The following LEPROTL1 variants were observed in gnomAD, a reference collection of about 807,000 sequenced individuals.
The protein encoded by LEPROTL1 is leptin receptor overlapping transcript like 1, also known as leptin receptor overlapping transcript-like 1.
Under a neutral mutation model 15.4 loss-of-function variants are expected in LEPROTL1, and 6 were observed. The ratio of observed to expected loss-of-function variants is 0.39; its 90% CI spans 0.21 to 0.77. The LOEUF is 0.77. LEPROTL1 is among the 30% of genes least tolerant of loss of function. LEPROTL1 has a pLI of 0.41. For missense variants in LEPROTL1, 128 were observed against 158.1 expected, an observed-to-expected ratio of 0.81 and a Z score of 1.02; for synonymous variants, 56 against 52.6, an observed-to-expected ratio of 1.06 and a Z score of -0.28.
At chr8:30,131,170 C>T (rs980383198) in intron 3 of LEPROTL1, among the ~76,000 whole-genome samples, 1 of 151,762 alleles carries the variant, frequency 6.6e-6, no homozygotes, top group African/African-American at 2.4e-5. Context: ...CAGCTCACTG[C>T]AGCCTCAAAC....
chr8:30,118,853 C>G (rs754498497), intron 3 of LEPROTL1, among the ~76,000 whole-genome samples: 212 of 152,270 alleles, frequency 1.4e-3, no homozygotes, highest in Non-Finnish European at 2.4e-3. Flanking sequence ...TGCACGTAGG[C>G]CGGATTTATG....
At chr8:30,126,844 C>A (rs776003140) in intron 3 of LEPROTL1, among the ~76,000 whole-genome samples, 1 of 152,108 alleles carries the variant, frequency 6.6e-6, no homozygotes, top group Non-Finnish European at 1.5e-5. Flanking sequence ...TCAAGACCAT[C>A]CTGGCCATCA....
intron 1 of LEPROTL1, among the ~76,000 whole-genome samples, chr8:30,097,322 C>T (rs559082995): frequency 2.5e-5 from 2 of 79,792 alleles, no homozygotes; most frequent in Non-Finnish European, 7.1e-5. Context: ...CTACCTTATT[C>T]GGTATGACTG....
intron 1 of LEPROTL1, among the ~76,000 whole-genome samples, chr8:30,100,995 T>C (rs1802457867): frequency 6.6e-6 from 1 of 152,216 alleles, no homozygotes; most frequent in Admixed American, 6.5e-5. Flanking sequence ...GATTTTCTAA[T>C]GTAGATTAGG....
rs1802573375 is a variant in LEPROTL1 at position 30,106,625 on chromosome 8, TGTTA to T, written c.*765_*768del. ...TAAGGTTTTTATTTATGTTTATTAT[TGTTA>T]GAGTGAGTTGCAATGTGGGAAGAAA... On this transcript the variant is annotated 3_prime_UTR_variant, in exon 4 of 4. Transcript: ENST00000321250. The T allele has an allele frequency of 1.0e-6, 1 of 983,156 alleles. No homozygotes were observed. The highest frequency in any genetic ancestry group is 1.7e-5 in the African/African-American group (1 of 57,190). The allele number at this position is 983,156 out of a possible 1,614,324, so 60.9% of individuals were successfully genotyped here. A position where few individuals can be genotyped will look rare whatever the true frequency, so the allele number is the denominator to read the frequency against.
At chr8:30,132,781 T>C (rs546935755) in intron 4 of LEPROTL1, 1 of 1,551,700 alleles carries the variant, frequency 6.4e-7, no homozygotes, top group African/African-American at 1.4e-5. Context: ...ACACACATGC[T>C]CAGACAAAGA....
intron 1 of LEPROTL1, among the ~76,000 whole-genome samples, chr8:30,099,585 C>T (rs1239391590): frequency 3.0e-5 from 4 of 131,632 alleles, no homozygotes; most frequent in Admixed American, 9.0e-5. Context: ...CTGGCGACAG[C>T]GCAAGACTCC....
intron 3 of LEPROTL1, chr8:30,104,930 G>C (rs1260841000): frequency 6.5e-6 from 1 of 152,834 alleles, no homozygotes; most frequent in South Asian, 2.0e-4. Flanking sequence ...TAGCCAGAAT[G>C]GTCTCGACCT....
In LEPROTL1 at chr8:30,097,392, T is replaced by A. The variant is rs185765908; in HGVS notation, c.16+1864T>A. Among the ~76,000 whole-genome samples the A allele has an allele frequency of 1.4e-3, 211 of 151,986 alleles. 1 individual carries two copies. The highest frequency in any genetic ancestry group is 4.7e-3 in the African/African-American group (193 of 41,462). ...TATTTAAAAAAAATTTAGTATTTAA[T>A]CCTGGCGCGGTGGCTCACACCTGTA... On this transcript the variant is annotated intron_variant, in intron 1 of 3. Coordinates refer to ENST00000321250, the MANE Select transcript of LEPROTL1 (RefSeq NM_015344.3).
chr8:30,100,448 C>T (rs111497694), intron 1 of LEPROTL1, among the ~76,000 whole-genome samples: 17 of 152,160 alleles, frequency 1.1e-4, no homozygotes, highest in African/African-American at 3.6e-4. Context: ...TTATCATTTA[C>T]TTATTTATTT....
intron 3 of LEPROTL1, among the ~76,000 whole-genome samples, chr8:30,123,981 C>CTT (rs572784386): frequency 1.6e-4 from 22 of 135,242 alleles, no homozygotes; most frequent in African/African-American, 4.6e-4. Flanking sequence ...GAGGAATAGG[C>CTT]TTTTTTTTTT....
At chr8:30,118,586 G>A in intron 3 of LEPROTL1, among the ~76,000 whole-genome samples, 1 of 152,178 alleles carries the variant, frequency 6.6e-6, no homozygotes, top group East Asian at 1.9e-4. Context: ...ACAAGAGACT[G>A]AGAAAAGAAA....
downstream of LEPROTL1, among the ~76,000 whole-genome samples, chr8:30,109,025 A>C (rs11785142): frequency 0.99 from 137,155 of 139,154 alleles, 67,604 homozygotes; most frequent in Middle Eastern, 1. Flanking sequence ...AACCCCCCTC[A>C]AACCACCCCC....
At chr8:30,112,401 A>ATTTTTTTTTTTTTTTTT (rs10684450), downstream of LEPROTL1, among the ~76,000 whole-genome samples, 52 of 27,888 alleles carry the variant, frequency 1.9e-3, 6 homozygotes, top group Non-Finnish European at 2.7e-3. Context: ...TGCCCAGCTA[A>ATTTTTTTTTTTTTTTTT]TTTTTTTTTT....
intron 1 of LEPROTL1, 189 bp downstream of exon 1, chr8:30,095,717 C>G: frequency 1.5e-6 from 1 of 686,022 alleles, no homozygotes; most frequent in Non-Finnish European, 2.6e-6. Context: ...GGGCAACGGA[C>G]GGTTGCGACC....
At chr8:30,133,454 G>A (rs992777175) in intron 4 of LEPROTL1, among the ~76,000 whole-genome samples, 3 of 152,292 alleles carry the variant, frequency 2.0e-5, no homozygotes, top group South Asian at 2.1e-4. Flanking sequence ...AAGGTTAGAT[G>A]CACACATTTA....
chr8:30,118,552 G>A (rs1585473427), intron 3 of LEPROTL1, among the ~76,000 whole-genome samples: 1 of 152,068 alleles, frequency 6.6e-6, no homozygotes, highest in Admixed American at 6.6e-5. Flanking sequence ...CCTCCACACC[G>A]GTAGGTATAT....
intron 3 of LEPROTL1, among the ~76,000 whole-genome samples, chr8:30,119,153 C>T (rs745891205): frequency 6.6e-6 from 1 of 152,206 alleles, no homozygotes; most frequent in Non-Finnish European, 1.5e-5. Flanking sequence ...TTTTACCAAG[C>T]ATACTGCCTG....
intron 4 of LEPROTL1, chr8:30,132,763 A>G (rs898854639): frequency 6.4e-7 from 1 of 1,551,776 alleles, no homozygotes; most frequent in Non-Finnish European, 8.7e-7. Context: ...GAAATAGGGC[A>G]GTGCCTTACA....
Sources: allele counts gnomAD v4.1 joint callset (sites outside exome capture counted in the v4.1 genomes callset), GRCh38; gene constraint gnomAD v4.1.1; transcripts MANE v1.5; gene names NCBI Gene and HGNC (gene_info 2026-07-23, HGNC 2026-07-21).